VWA3A: variants seen among roughly 807,000 people sequenced by gnomAD.
VWA3A encodes von Willebrand factor A domain containing 3A.
A neutral mutation model predicts 160.4 loss-of-function variants in VWA3A; 134 were observed. The ratio of observed to expected loss-of-function variants is 0.84; its 90% CI spans 0.73 to 0.96. The LOEUF (loss-of-function observed/expected upper bound fraction) is 0.96, where lower values mean the gene tolerates loss of function less well. Ranked by LOEUF, VWA3A falls within the 40% of genes least tolerant of loss-of-function variation. The pLI, the probability that VWA3A is intolerant of heterozygous loss-of-function variation, is 0.00. For synonymous variants in VWA3A, 476 were observed against 543.4 expected (o/e 0.88, Z 1.72); for missense variants, 1,310 against 1,447.9 (o/e 0.90, Z 1.55).
intron 25 of VWA3A, 117 bp from the exon 26 acceptor site, chr16:22,144,130 A>G (rs2046204007): frequency 7.9e-7 from 1 of 1,273,836 alleles, no homozygotes; most frequent in African/African-American, 1.5e-5. Context: ...GGACCTGGGA[A>G]TCCCACATTT....
At chr16:22,143,748 T>C (rs1567222608) in intron 25 of VWA3A, among the ~76,000 whole-genome samples, 1 of 104,880 alleles carries the variant, frequency 9.5e-6, no homozygotes, top group African/African-American at 6.5e-5. Flanking sequence ...TTTCTTTCTT[T>C]CTTTTTTTTT....
At chr16:22,112,920 C>A (rs777585328) in intron 8 of VWA3A, among the ~76,000 whole-genome samples, 1 of 152,198 alleles carries the variant, frequency 6.6e-6, no homozygotes, top group Non-Finnish European at 1.5e-5. Context: ...ATTTGCAGAA[C>A]AAGGCCAATC....
In VWA3A at chr16:22,149,815, T is replaced by C. The variant is rs1991020; in HGVS notation, c.3013T>C (p.Phe1005Leu). 1,591,072 of 1,608,854 alleles carry C rather than the reference T, an allele frequency of 0.99. 787,846 individuals carry two copies. The highest frequency in any genetic ancestry group is 1 in the Non-Finnish European group (1,175,133 of 1,176,768). ...TAACCTGCTCAGCTTTGCAGAGAGC[T>C]TTCAGTCATGGCAGGACACGCTGGT... ...SFNLLSFAES[F>L]QSWQDTLVET... The change falls in exon 29 of 34, where the codon TTT becomes CTT. Residue 1005 changes from phenylalanine to leucine, a missense_variant. By Grantham distance (22) the Phe-to-Leu change is conservative. Coordinates refer to ENST00000389398, the MANE Select transcript of VWA3A (RefSeq NM_173615.5).
At position 22,146,274 on chromosome 16, in the gene VWA3A, G is replaced by A. The variant is rs1172418468; in HGVS notation, c.2769G>A (p.Met923Ile). The A allele has an allele frequency of 1.9e-6, 3 of 1,613,768 alleles. No individual in the cohort carries two copies. The highest frequency in any genetic ancestry group is 1.1e-5 in the South Asian group (1 of 91,042). Residue 923 changes from methionine (M) to isoleucine (I), a missense_variant, in exon 27 of 34, where the codon ATG becomes ATA. Met to Ile is a conservative substitution (Grantham distance 10, BLOSUM62 1). Transcript: ENST00000389398. ...ACATCCAGTGGACGCCCAGGGAGAT[G>A]GAGGTGTACATCAGGCACTTGGAGA... Reference protein sequence around the residue: ...VRHIQWTPREMEVYIRHLEKV... With the variant: ...VRHIQWTPREIEVYIRHLEKV...
intron 31 of VWA3A, 23 bp downstream of exon 31, chr16:22,152,657 A>G: frequency 6.3e-7 from 1 of 1,590,590 alleles, no homozygotes; most frequent in Non-Finnish European, 8.6e-7. Flanking sequence ...GCCACTGAGC[A>G]TGAGGTCTGT....
chr16:22,123,532 C>T (rs1349996601), intron 15 of VWA3A, 81 bp from the exon 16 acceptor site: 1 of 1,610,788 alleles, frequency 6.2e-7, no homozygotes. Context: ...CTGAAGCCCA[C>T]CCAGGTACAC....
intron 1 of VWA3A, among the ~76,000 whole-genome samples, chr16:22,095,215 C>T (rs750064761): frequency 1.3e-5 from 2 of 152,140 alleles, no homozygotes; most frequent in Non-Finnish European, 2.9e-5. Context: ...TAATGGGATG[C>T]TGGAGATTTC....
intron 5 of VWA3A, among the ~76,000 whole-genome samples, chr16:22,101,939 T>C (rs890350205): frequency 2.0e-5 from 3 of 152,252 alleles, no homozygotes; most frequent in Admixed American, 6.5e-5. Context: ...GATAGAATCC[T>C]GTTGTTACCT....
intron 27 of VWA3A, among the ~76,000 whole-genome samples, chr16:22,146,946 T>C (rs2046264092): frequency 6.6e-6 from 1 of 152,168 alleles, no homozygotes; most frequent in South Asian, 2.1e-4. Flanking sequence ...TCAAAAGGTT[T>C]GCTTTAATAT....
chr16:22,127,625 TA>T (rs1294422157), intron 17 of VWA3A, among the ~76,000 whole-genome samples: 2 of 152,196 alleles, frequency 1.3e-5, no homozygotes, highest in Admixed American at 6.5e-5. Flanking sequence ...ATAAACTCTA[TA>T]TAAAAATATT....
At chr16:22,104,066 A>C (rs1285041608) in intron 6 of VWA3A, among the ~76,000 whole-genome samples, 1 of 152,228 alleles carries the variant, frequency 6.6e-6, no homozygotes, top group Non-Finnish European at 1.5e-5. Flanking sequence ...AGGCCAGAGC[A>C]CTGTTACCAG....
At chr16:22,118,406 A>G (rs183257785) in intron 11 of VWA3A, among the ~76,000 whole-genome samples, 1 of 152,202 alleles carries the variant, frequency 6.6e-6, no homozygotes, top group African/African-American at 2.4e-5. Flanking sequence ...GCAGGTCAGG[A>G]TGGGTGCAGT....
At position 22,116,108 on chromosome 16, in the gene VWA3A, G is replaced by C. The variant is rs77519707; in HGVS notation, c.815+636G>C. 1.2e-4 allele frequency among the ~76,000 whole-genome samples: 17 copies of C among 137,056 alleles called. No homozygotes were observed. In the East Asian group the frequency reaches 2.7e-3, roughly 22 times the overall value. 89.9% of individuals were successfully genotyped at this position (137,056 alleles called of 152,430 possible). A position where few individuals can be genotyped will look rare whatever the true frequency, so the allele number is the denominator to read the frequency against. On this transcript the variant is annotated intron_variant, in intron 9 of 33. Transcript: ENST00000389398. ...AGAAAGAAAGAGAGAAAGAAAGAAA[G>C]AAACAAGAAAAAAAGAAAGGAAGGA... is the stretch of plus-strand genomic sequence containing the variant.
At chr16:22,125,874 G>A (rs2045839109) in intron 16 of VWA3A, among the ~76,000 whole-genome samples, 1 of 152,100 alleles carries the variant, frequency 6.6e-6, no homozygotes, top group African/African-American at 2.4e-5. Flanking sequence ...AATATTGAAT[G>A]CTAATTCTTT....
At chr16:22,136,238 C>T (rs113655551) in intron 21 of VWA3A, among the ~76,000 whole-genome samples, 4 of 152,262 alleles carry the variant, frequency 2.6e-5, no homozygotes, top group South Asian at 2.1e-4. Context: ...AGTGATTGAA[C>T]GGGCAGTGTG....
chr16:22,149,263 G>A (rs1344312991), intron 28 of VWA3A, among the ~76,000 whole-genome samples: 2 of 151,974 alleles, frequency 1.3e-5, no homozygotes, highest in African/African-American at 2.4e-5. Flanking sequence ...GTTTTGAGAC[G>A]GGGTCTCACT....
chr16:22,096,377 T>C (rs2045321330), intron 1 of VWA3A, among the ~76,000 whole-genome samples: 1 of 152,168 alleles, frequency 6.6e-6, no homozygotes, highest in Admixed American at 6.5e-5. Context: ...GGAGGATCTC[T>C]TGAGGCCAGG....
At chr16:22,155,828 T>C (rs1209738014) in intron 32 of VWA3A, 23 bp from the exon 33 acceptor site, 1 of 1,613,830 alleles carries the variant, frequency 6.2e-7, no homozygotes, top group Admixed American at 1.7e-5. Context: ...GGAGACCATC[T>C]TTCTTCATCT....
At chr16:22,113,413 C>T (rs1202388687) in intron 8 of VWA3A, among the ~76,000 whole-genome samples, 3 of 94,096 alleles carry the variant, frequency 3.2e-5, no homozygotes, top group Admixed American at 3.2e-4. Context: ...TTAGTAGAGA[C>T]AAGGTTTCAC....
Sources: allele counts gnomAD v4.1 joint callset (sites outside exome capture counted in the v4.1 genomes callset), GRCh38; gene constraint gnomAD v4.1.1; transcripts MANE v1.5; gene names NCBI Gene and HGNC (gene_info 2026-07-23, HGNC 2026-07-21).